ZHX1: variants seen among roughly 807,000 people sequenced by gnomAD.
ZHX1 encodes zinc fingers and homeoboxes 1.
ZHX1 carries 20 observed loss-of-function variants against 61.8 expected under a neutral mutation model. The observed-to-expected ratio is 0.32, with a 90% CI of 0.23 to 0.47. The LOEUF (loss-of-function observed/expected upper bound fraction) is 0.47. Ranked by LOEUF, ZHX1 falls within the 20% of genes least tolerant of loss-of-function variation. The pLI is 1.00. For missense variants in ZHX1, 800 were observed against 1,034.8 expected (o/e 0.77, Z 3.11); for synonymous variants, 318 against 352.6 (o/e 0.90, Z 1.10).
At chr8:123,269,066 T>C (rs191167922) in intron 1 of ZHX1, among the ~76,000 whole-genome samples, 54 of 152,338 alleles carry the variant, frequency 3.5e-4, no homozygotes, top group African/African-American at 1.2e-3. Context: ...ATTATCTCTG[T>C]AGCCTGGGAC....
chr8:123,264,858 C>T (rs1468453583), intron 2 of ZHX1, among the ~76,000 whole-genome samples: 1 of 149,718 alleles, frequency 6.7e-6, no homozygotes, highest in Non-Finnish European at 1.5e-5. Context: ...TGTGCCTGGC[C>T]ACAAACTTTG....
At position 123,255,463 on chromosome 8, in the gene ZHX1, TCTC is replaced by T. The variant is rs1211985109; in HGVS notation, c.481_483del (p.Glu161del). ...TCTGTAGATTCTGCTTGCTCTGCAT[TCTC>T]CTCTTTAACAAAACTACCATCAAAA... On this transcript the variant is annotated inframe_deletion, in exon 3 of 4. Coordinates refer to ENST00000395571, the MANE Select transcript of ZHX1 (RefSeq NM_007222.5). 1.1e-5 allele frequency: 17 copies of T among 1,613,334 alleles called. No homozygotes were observed. The highest frequency in any genetic ancestry group is 2.7e-5 in the African/African-American group (2 of 74,942).
At position 123,254,350 on chromosome 8, in the gene ZHX1, CATT is replaced by C; in HGVS notation, c.1594_1596del (p.Asn532del). Reference sequence around the variant, plus strand: ...TCTATAATAATGGTGGTAGAGGAATCATTGTTGAGATGTAAGCACTGATTACTC... The same window carrying C: ...TCTATAATAATGGTGGTAGAGGAATCGTTGAGATGTAAGCACTGATTACTC... On this transcript the variant is annotated inframe_deletion, in exon 3 of 4. Coordinates refer to ENST00000395571, the MANE Select transcript of ZHX1 (RefSeq NM_007222.5). This position sits in a 1 kb window ranked among gnomAD's most constrained non-coding sequence, Gnocchi z 4.1. 1 of 1,614,038 alleles carries C rather than the reference CATT, an allele frequency of 6.2e-7. No individual in the cohort carries two copies. The highest frequency in any genetic ancestry group is 1.7e-5 in the Admixed American group (1 of 60,006).
chr8:123,253,217 C>T, intron 3 of ZHX1, 105 bp downstream of exon 3: 1 of 978,396 alleles, frequency 1.0e-6, no homozygotes, highest in Non-Finnish European at 1.5e-6. Context: ...AGAAAAACTA[C>T]TTCAGAAAAT....
In ZHX1 at chr8:123,254,159, T is replaced by C. The variant is rs1826000251; in HGVS notation, c.1788A>G (p.Glu596=). Residue 596 remains glutamate, a synonymous_variant, in exon 3 of 4, where the codon GAA becomes GAG. Transcript: ENST00000395571. The surrounding 1 kb of genome is among the most constrained non-coding windows in gnomAD (Gnocchi z 4.1). ...SFLNSSVLTD[E]ELNRLRAQTK... is the part of the protein sequence containing the mutation. The stretch of plus-strand genomic sequence containing the variant: ...TTTGTGCCCTTAACCTATTTAATTC[T>C]TCATCTGTAAGTACAGAGCTGTTGA... 4.3e-6 allele frequency: 7 copies of C among 1,614,164 alleles called. No homozygotes were observed. The highest frequency in any genetic ancestry group is 5.9e-6 in the Non-Finnish European group (7 of 1,180,024).
intron 1 of ZHX1, among the ~76,000 whole-genome samples, chr8:123,273,194 C>T (rs1826713922): frequency 6.6e-6 from 1 of 152,194 alleles, no homozygotes; most frequent in African/African-American, 2.4e-5. Context: ...GGGCTATGCT[C>T]TTTCCTTACA....
At chr8:123,258,806 A>T (rs1327514679) in intron 2 of ZHX1, among the ~76,000 whole-genome samples, 1 of 152,234 alleles carries the variant, frequency 6.6e-6, no homozygotes, top group African/African-American at 2.4e-5. Flanking sequence ...TAAAATTTTT[A>T]AAATAAAAAG....
At chr8:123,258,927 T>C (rs1410846462) in intron 2 of ZHX1, among the ~76,000 whole-genome samples, 1 of 152,224 alleles carries the variant, frequency 6.6e-6, no homozygotes, top group Admixed American at 6.5e-5. Flanking sequence ...ATTTTTAATT[T>C]ACTGGCATCC....
In ZHX1 at chr8:123,256,003, G is replaced by A. The variant is rs889634126; in HGVS notation, c.-57C>T. 3.4e-6 allele frequency: 5 copies of A among 1,468,034 alleles called. No individual in the cohort carries two copies. The Admixed American group carries it at 9.2e-5, about 27-fold the overall frequency. 90.9% of individuals were successfully genotyped at this position (1,468,034 alleles called of 1,614,324 possible). ...TTAAAAAGCATCGAGGCTTAAAACT[G>A]TTCAGTGTTCTTCATTTGAAAACAA... On this transcript the variant is annotated 5_prime_UTR_variant, in exon 3 of 4. It introduces an in-frame stop codon into an upstream open reading frame of the 5' UTR. Coordinates refer to ENST00000395571, the MANE Select transcript of ZHX1 (RefSeq NM_007222.5).
intron 1 of ZHX1, 91 bp from the exon 2 acceptor site, chr8:123,267,477 AATGT>A: frequency 2.4e-6 from 1 of 421,970 alleles, no homozygotes; most frequent in Non-Finnish European, 4.2e-6. Context: ...TTAATAAATA[AATGT>A]AATTTTGAAA....
chr8:123,269,937 T>G (rs1360301047), intron 1 of ZHX1, among the ~76,000 whole-genome samples: 1 of 150,340 alleles, frequency 6.7e-6, no homozygotes, highest in East Asian at 2.0e-4. Context: ...CAAGTTGGCT[T>G]CAAAAGGCAG....
intron 2 of ZHX1, among the ~76,000 whole-genome samples, 197 bp downstream of exon 2, chr8:123,267,076 G>A (rs375382679): frequency 9.2e-5 from 14 of 151,966 alleles, no homozygotes; most frequent in African/African-American, 4.8e-5. Context: ...GTATGATGCC[G>A]TCTCCTTTTA....
intron 3 of ZHX1, among the ~76,000 whole-genome samples, chr8:123,252,038 G>C (rs958844192): frequency 3.4e-4 from 52 of 152,158 alleles, no homozygotes; most frequent in African/African-American, 1.3e-3. Context: ...CAGAATAACA[G>C]AGCATAAAAG....
chr8:123,254,695 CCACTGT>C lies in ZHX1; in HGVS notation c.1246_1251del (p.Thr416_Val417del), dbSNP rs755634344. The C allele has an allele frequency of 1.9e-6, 3 of 1,614,134 alleles. No individual in the cohort carries two copies. The highest frequency in any genetic ancestry group is 2.5e-6 in the Non-Finnish European group (3 of 1,180,012). The stretch of plus-strand genomic sequence containing the variant: ...ATATTATTTTGACTTGGAACGCCTG[CCACTGT>C]CAAGGCTATAGGTGCTGTAACTGGC... On this transcript the variant is annotated inframe_deletion, in exon 3 of 4. Transcript: ENST00000395571. This position sits in a 1 kb window ranked among gnomAD's most constrained non-coding sequence, Gnocchi z 4.1.
In ZHX1 at chr8:123,255,060, T is replaced by C. The variant is rs758938232; in HGVS notation, c.887A>G (p.Asn296Ser). 1.3e-5 allele frequency: 21 copies of C among 1,614,132 alleles called. 1 individual carries two copies. Among genetic ancestry groups the C allele is most frequent in the South Asian group, 3.3e-5 (3 of 91,084 alleles). The change falls in exon 3 of 4, where the codon AAT becomes AGT. Residue 296 changes from asparagine to serine, a missense_variant. By Grantham distance (46) the Asn-to-Ser change is conservative. Transcript: ENST00000395571. ...GTTGTAGGTGTTAAGTAAAAGGGGA[T>C]TGTTATCCAATGCAGCATTGTAGGT... Reference protein sequence around the residue: ...IPTYNAALDNNPLLLNTYNKF... With the variant: ...IPTYNAALDNSPLLLNTYNKF...
At chr8:123,271,286 A>G (rs1007985341) in intron 1 of ZHX1, among the ~76,000 whole-genome samples, 1 of 152,236 alleles carries the variant, frequency 6.6e-6, no homozygotes, top group Non-Finnish European at 1.5e-5. Context: ...CAAAAAATTT[A>G]GTCTTAACAG....
intron 1 of ZHX1, among the ~76,000 whole-genome samples, chr8:123,271,614 A>G (rs556477977): frequency 6.6e-6 from 1 of 152,322 alleles, no homozygotes; most frequent in Non-Finnish European, 1.5e-5. Context: ...TAAGTCTCAA[A>G]TATCACATTT....
At chr8:123,265,058 G>T (rs191273126) in intron 2 of ZHX1, among the ~76,000 whole-genome samples, 1 of 151,012 alleles carries the variant, frequency 6.6e-6, no homozygotes, top group East Asian at 2.0e-4. Flanking sequence ...GCGTCGTGGC[G>T]TGCACTTATA....
intron 2 of ZHX1, among the ~76,000 whole-genome samples, chr8:123,259,878 G>A (rs948497023): frequency 3.3e-5 from 5 of 152,174 alleles, no homozygotes; most frequent in African/African-American, 7.2e-5. Flanking sequence ...AGAAGCCATC[G>A]GCCAGGCACA....
Sources: gnomAD v4.1 joint callset for allele counts (sites outside exome capture counted in the v4.1 genomes callset) on GRCh38, gnomAD v4.1.1 for gene constraint, Gnocchi (gnomAD v3.1) non-coding constraint, MANE v1.5 for transcripts, NCBI Gene and HGNC (gene_info 2026-07-23, HGNC 2026-07-21) for gene names.